Variants in DDX60 observed in about 807,000 individuals in gnomAD.
The protein encoded by DDX60 is probable ATP-dependent RNA helicase DDX60.
DDX60 carries 165 observed loss-of-function variants against 212.8 expected under a neutral mutation model. That is an observed-to-expected ratio of 0.78 (90% CI 0.68 to 0.88). The LOEUF is 0.88. Ranked by LOEUF, DDX60 falls within the 40% of genes least tolerant of loss-of-function variation. The pLI, the probability that DDX60 is intolerant of heterozygous loss-of-function variation, is 0.00. For missense variants in DDX60, 1,905 were observed against 2,003.9 expected (o/e 0.95, Z 0.94); for synonymous variants, 703 against 685.3 (o/e 1.03, Z -0.40).
rs191023284 is a variant in DDX60 at position 168,245,344 on chromosome 4, C to A, written c.4164+1074G>T. 3.0e-4 allele frequency among the ~76,000 whole-genome samples: 46 copies of A among 152,222 alleles called. No individual in the cohort carries two copies. In the East Asian group the frequency reaches 8.7e-3, roughly 29 times the overall value. ...ATTAAATGCCAGAAGGCAACGGAAA[C>A]AATCTTAGTTTGATTTGATGAATGA... On this transcript the variant is annotated intron_variant, in intron 30 of 37. Transcript: ENST00000393743.
chr4:168,269,039 T>C (rs1003224789), intron 19 of DDX60, 70 bp from the exon 20 acceptor site: 2 of 871,264 alleles, frequency 2.3e-6, no homozygotes, highest in African/African-American at 1.7e-5. Flanking sequence ...AGTTAAGACA[T>C]GGAATCTTGA....
At position 168,267,935 on chromosome 4, in the gene DDX60, A is replaced by G. The variant is rs1288526843; in HGVS notation, c.2835T>C (p.Ile945=). The change falls in exon 21 of 38, where the codon ATT becomes ATC. Residue 945 remains isoleucine, a synonymous_variant. Transcript: ENST00000393743. ...KWYWKQEDKI[I]ENNTASKRHV... ...GTCTTTTAGAAGCGGTATTATTTTCAATTATTTTGTCTTCTTGTTTCCAGT... is the reference window on the plus strand; with the variant it reads ...GTCTTTTAGAAGCGGTATTATTTTCGATTATTTTGTCTTCTTGTTTCCAGT... The G allele has an allele frequency of 9.9e-6, 16 of 1,612,884 alleles. No individual in the cohort carries two copies. The highest frequency in any genetic ancestry group is 3.3e-5 in the Admixed American group (2 of 59,952).
chr4:168,273,228 C>T, intron 18 of DDX60, 51 bp downstream of exon 18: 1 of 1,550,492 alleles, frequency 6.4e-7, no homozygotes, highest in South Asian at 1.2e-5. Flanking sequence ...AAGAGACATA[C>T]AAGTACAGTT....
chr4:168,264,279 C>T (rs987409062), intron 22 of DDX60, among the ~76,000 whole-genome samples: 2 of 152,108 alleles, frequency 1.3e-5, no homozygotes, highest in African/African-American at 4.8e-5. Context: ...TTCTTCAAAC[C>T]TTTAAAACTA....
intron 8 of DDX60, among the ~76,000 whole-genome samples, chr4:168,291,324 C>T (rs901574600): frequency 2.0e-5 from 3 of 151,980 alleles, no homozygotes; most frequent in African/African-American, 4.8e-5. Context: ...GGTAGACCTC[C>T]GGGGAAGTTT....
intron 37 of DDX60, among the ~76,000 whole-genome samples, chr4:168,219,830 A>G (rs967479139): frequency 2.6e-5 from 4 of 152,082 alleles, no homozygotes; most frequent in Non-Finnish European, 4.4e-5. Flanking sequence ...TGAGGTCAGG[A>G]GTTCGAGACC....
chr4:168,283,011 C>G (rs1027422824), intron 13 of DDX60, among the ~76,000 whole-genome samples: 2 of 151,872 alleles, frequency 1.3e-5, no homozygotes, highest in Non-Finnish European at 1.5e-5. Context: ...ACCTTCCACT[C>G]AAAAAATGTG....
chr4:168,286,914 A>C (rs1312842612), intron 10 of DDX60, 134 bp downstream of exon 10: 1 of 621,568 alleles, frequency 1.6e-6, no homozygotes, highest in East Asian at 3.0e-5. Context: ...ATAAGAATAA[A>C]GGTAATTTAT....
chr4:168,287,185 C>T lies in DDX60; in HGVS notation c.1202G>A (p.Gly401Glu). Residue 401 changes from glycine (G) to glutamate (E), a missense_variant, in exon 10 of 38, where the codon GGA becomes GAA. Transcript: ENST00000393743. Reference protein sequence around the residue: ...ENVKGLHLNLGDTIMKDYEYL... With the variant: ...ENVKGLHLNLEDTIMKDYEYL... ...TTCATAATCTTTCATAATGGTATCTCCCAAATTCAAATGTAGGCCTACATA... is the reference window on the plus strand; with the variant it reads ...TTCATAATCTTTCATAATGGTATCTTCCAAATTCAAATGTAGGCCTACATA... 3 of 1,607,756 alleles carry T rather than the reference C, an allele frequency of 1.9e-6. No individual in the cohort carries two copies. The highest frequency in any genetic ancestry group is 2.5e-6 in the Non-Finnish European group (3 of 1,177,510).
chr4:168,263,723 C>G (rs560878945), intron 22 of DDX60: 2 of 152,266 alleles, frequency 1.3e-5, no homozygotes, highest in East Asian at 1.9e-4. Flanking sequence ...AGCAGGCCCC[C>G]ACAAGACACC....
chr4:168,262,887 T>C, intron 22 of DDX60, 100 bp from the exon 23 acceptor site: 1 of 680,200 alleles, frequency 1.5e-6, no homozygotes, highest in Non-Finnish European at 2.3e-6. Flanking sequence ...TGAAAGGCAA[T>C]AAACTAAAAT....
chr4:168,305,057 T>C (rs1358839216), intron 5 of DDX60, among the ~76,000 whole-genome samples: 2 of 151,460 alleles, frequency 1.3e-5, no homozygotes, highest in African/African-American at 4.9e-5. Context: ...ACCTTTTCTA[T>C]GTTTAGATAT....
chr4:168,243,321 G>T (rs1036048001), intron 30 of DDX60, among the ~76,000 whole-genome samples: 2 of 152,032 alleles, frequency 1.3e-5, no homozygotes, highest in East Asian at 3.8e-4. Context: ...GATCATCAGA[G>T]AAAACAAACA....
rs1736814850 is a variant in DDX60 at position 168,305,001 on chromosome 4, C to A, written c.606+1378G>T. Among the ~76,000 whole-genome samples, 2 of 152,142 alleles carry A rather than the reference C, an allele frequency of 1.3e-5. 1 individual carries two copies. Among genetic ancestry groups the A allele is most frequent in the Non-Finnish European group, 2.9e-5 (2 of 68,012 alleles). On this transcript the variant is annotated intron_variant, in intron 5 of 37. Coordinates refer to ENST00000393743, the MANE Select transcript of DDX60 (RefSeq NM_017631.6). The stretch of plus-strand genomic sequence containing the variant: ...GCAAGCTCCATTCATGGTAAGTACC[C>A]TATACAAGTGTATCATTTTTAATCT...
Position 168,300,617 on chromosome 4 carries a change from G to A in DDX60, c.723+1683C>T, listed in dbSNP as rs543752778. On this transcript the variant is annotated intron_variant, in intron 6 of 37. Coordinates refer to ENST00000393743, the MANE Select transcript of DDX60 (RefSeq NM_017631.6). The stretch of plus-strand genomic sequence containing the variant: ...GTGTGTGTGTGTGTGTGTAGTGGAA[G>A]TGTTTCCTATACCTTTCACATACCT... 5.9e-4 allele frequency among the ~76,000 whole-genome samples: 88 copies of A among 148,524 alleles called. No homozygotes were observed. In the Middle Eastern group the frequency reaches 0.01, roughly 17 times the overall value.
intron 32 of DDX60, among the ~76,000 whole-genome samples, 196 bp downstream of exon 32, chr4:168,237,090 C>T (rs550039949): frequency 1.1e-4 from 17 of 151,818 alleles, no homozygotes; most frequent in South Asian, 8.3e-4. Context: ...ATTGTAAATA[C>T]ATGTCATAAA....
At chr4:168,235,573 AG>A (rs1227767272) in intron 33 of DDX60, among the ~76,000 whole-genome samples, 3 of 152,148 alleles carry the variant, frequency 2.0e-5, no homozygotes, top group Non-Finnish European at 4.4e-5. Context: ...TTTTTAATCC[AG>A]CATTGTGGGA....
chr4:168,221,894 G>T lies in DDX60; in HGVS notation c.4825-13C>A. On this transcript the variant is annotated splice_polypyrimidine_tract_variant and intron_variant, in intron 35 of 37. Transcript: ENST00000393743. ...TGCCTAGAGTAACCTGAAAAAATAC[G>T]ATTATTCTTAATGTATTATTTATGT... 6.2e-7 allele frequency: 1 copy of T among 1,602,830 alleles called. No homozygotes were observed. The highest frequency in any genetic ancestry group is 8.5e-7 in the Non-Finnish European group (1 of 1,172,178).
At chr4:168,296,604 T>C (rs1736351999) in intron 6 of DDX60, among the ~76,000 whole-genome samples, 1 of 152,006 alleles carries the variant, frequency 6.6e-6, no homozygotes, top group African/African-American at 2.4e-5. Flanking sequence ...AACATTAAAT[T>C]AAATTATATT....
Sources: allele counts gnomAD v4.1 joint callset (sites outside exome capture counted in the v4.1 genomes callset), GRCh38; gene constraint gnomAD v4.1.1; transcripts MANE v1.5; gene names NCBI Gene and HGNC (gene_info 2026-07-23, HGNC 2026-07-21).